FAM81A: variants seen among roughly 807,000 people sequenced by gnomAD.
FAM81A encodes the protein protein FAM81A.
FAM81A carries 19 observed loss-of-function variants against 46.7 expected under a neutral mutation model. The observed-to-expected ratio is 0.41, with a 90% CI of 0.28 to 0.60. The LOEUF (loss-of-function observed/expected upper bound fraction) is 0.60, where lower values mean the gene tolerates loss of function less well. Among genes scored for constraint, FAM81A ranks in the 20% least tolerant of loss-of-function variants. The probability of loss-of-function intolerance (pLI) is 0.34; values close to 1 mark genes in which losing one functional copy is unlikely to be tolerated. For synonymous variants in FAM81A, 183 were observed against 152.9 expected (o/e 1.20, Z -1.45); for missense variants, 377 against 453.5 (o/e 0.83, Z 1.53).
At chr15:59,421,850 A>T (rs1246057859) in intron 2 of FAM81A, among the ~76,000 whole-genome samples, 1 of 150,328 alleles carries the variant, frequency 6.7e-6, no homozygotes, top group Non-Finnish European at 1.5e-5. Flanking sequence ...ATCCTTGGGG[A>T]CAGATTAAAC....
chr15:59,470,893 G>A (rs1337519013), intron 3 of FAM81A, among the ~76,000 whole-genome samples: 1 of 152,042 alleles, frequency 6.6e-6, no homozygotes, highest in African/African-American at 2.4e-5. Flanking sequence ...CTCTATTACA[G>A]CTCACTGCAG....
At chr15:59,468,272 C>T (rs1472639236) in intron 3 of FAM81A, among the ~76,000 whole-genome samples, 1 of 152,126 alleles carries the variant, frequency 6.6e-6, no homozygotes. Flanking sequence ...GGAATAGTTT[C>T]AGAAGGAATG....
intron 8 of FAM81A, among the ~76,000 whole-genome samples, chr15:59,517,181 T>C (rs1456128561): frequency 6.6e-6 from 1 of 152,162 alleles, no homozygotes; most frequent in Non-Finnish European, 1.5e-5. Context: ...GAGGGGGTTT[T>C]GAGGGCTTAT....
chr15:59,423,697 T>C (rs2081184353), intron 2 of FAM81A, among the ~76,000 whole-genome samples: 1 of 152,166 alleles, frequency 6.6e-6, no homozygotes, highest in Admixed American at 6.5e-5. Flanking sequence ...GCTAACAAAA[T>C]ACAGAAATTT....
At chr15:59,483,561 A>G (rs959589641) in intron 3 of FAM81A, among the ~76,000 whole-genome samples, 1 of 152,132 alleles carries the variant, frequency 6.6e-6, no homozygotes, top group South Asian at 2.1e-4. Context: ...TTACATCTCT[A>G]CTTGGGCTTT....
rs761342077 is a variant in FAM81A at position 59,508,889 on chromosome 15, C to A, written c.570C>A (p.Asp190Glu). ...GQISQLLNRV[D>E]LSISEQSTKL... ...TTTCTCAGCTTTTGAACAGAGTGGA[C>A]TTGTCAATATCAGAGCAGAGCACCA... The change falls in exon 6 of 9, where the codon GAC becomes GAA. Residue 190 changes from aspartate to glutamate, a missense_variant. By Grantham distance (45) the Asp-to-Glu change is conservative. Transcript: ENST00000288228. 1 of 1,613,226 alleles carries A rather than the reference C, an allele frequency of 6.2e-7. No individual in the cohort carries two copies. Among genetic ancestry groups the A allele is most frequent in the Non-Finnish European group, 8.5e-7 (1 of 1,179,420 alleles).
chr15:59,454,290 T>G (rs2081455720), intron 1 of FAM81A, among the ~76,000 whole-genome samples: 1 of 152,244 alleles, frequency 6.6e-6, no homozygotes, highest in Non-Finnish European at 1.5e-5. Flanking sequence ...TTAACTGTTT[T>G]TACATGATTG....
chr15:59,458,694 G>C (rs749427234), intron 2 of FAM81A, 48 bp downstream of exon 2: 4 of 1,539,752 alleles, frequency 2.6e-6, no homozygotes. Context: ...TAGTGGGTGT[G>C]ATAGTTACAA....
intron 2 of FAM81A, among the ~76,000 whole-genome samples, chr15:59,431,265 C>T (rs532214934): frequency 6.6e-6 from 1 of 151,822 alleles, no homozygotes; most frequent in East Asian, 1.9e-4. Context: ...GATGGAGTCT[C>T]GCTTTGTCAC....
At chr15:59,477,607 C>T (rs1320082897) in intron 3 of FAM81A, among the ~76,000 whole-genome samples, 1 of 152,142 alleles carries the variant, frequency 6.6e-6, no homozygotes, top group Admixed American at 6.5e-5. Context: ...CCTATGTGAT[C>T]CTCAAGAGCT....
chr15:59,487,969 C>CA (rs2081939223), intron 3 of FAM81A, among the ~76,000 whole-genome samples: 4 of 151,452 alleles, frequency 2.6e-5, no homozygotes, highest in African/African-American at 9.7e-5. Flanking sequence ...AACAAAAAAA[C>CA]AAAAAACCTA....
chr15:59,428,147 A>G (rs1185288433), intron 2 of FAM81A, among the ~76,000 whole-genome samples: 4 of 152,182 alleles, frequency 2.6e-5, no homozygotes, highest in African/African-American at 9.7e-5. Context: ...TGTTTCTCTG[A>G]TGATCAGTGA....
At chr15:59,483,184 C>T (rs1283830482) in intron 3 of FAM81A, among the ~76,000 whole-genome samples, 2 of 151,988 alleles carry the variant, frequency 1.3e-5, no homozygotes, top group Non-Finnish European at 2.9e-5. Flanking sequence ...ACTACAGGTG[C>T]GTGCCATCAC....
chr15:59,517,447 G>A (rs960000089), intron 8 of FAM81A, among the ~76,000 whole-genome samples: 62 of 152,270 alleles, frequency 4.1e-4, no homozygotes, highest in African/African-American at 1.4e-3. Context: ...AAGTTAATGA[G>A]TCCTAAAAGA....
intron 5 of FAM81A, among the ~76,000 whole-genome samples, chr15:59,508,260 T>G (rs1344740450): frequency 2.0e-5 from 3 of 152,226 alleles, no homozygotes; most frequent in African/African-American, 7.2e-5. Context: ...TTTCTCTTTC[T>G]TCTGGATCTG....
intron 6 of FAM81A, among the ~76,000 whole-genome samples, chr15:59,512,076 T>G (rs2141830437): frequency 6.6e-6 from 1 of 152,348 alleles, no homozygotes; most frequent in East Asian, 1.9e-4. Context: ...GAAAATGAAT[T>G]CACTACAGCT....
intron 1 of FAM81A, among the ~76,000 whole-genome samples, chr15:59,452,953 G>A (rs1398041974): frequency 6.6e-6 from 1 of 152,128 alleles, no homozygotes; most frequent in African/African-American, 2.4e-5. Flanking sequence ...TGTAGAGATA[G>A]GATTTTGCTG....
chr15:59,458,792 A>G (rs2081514896), intron 2 of FAM81A, 146 bp downstream of exon 2: 10 of 752,738 alleles, frequency 1.3e-5, no homozygotes, highest in Non-Finnish European at 1.8e-5. Context: ...TTCAATTTAT[A>G]GGATACTGTG....
At chr15:59,492,497 C>A in intron 4 of FAM81A, 108 bp downstream of exon 4, 1 of 835,636 alleles carries the variant, frequency 1.2e-6, no homozygotes, top group Non-Finnish European at 1.9e-6. Context: ...GCTTGCATTC[C>A]TTTAGTACAT....
Sources: gnomAD v4.1 joint callset for allele counts (sites outside exome capture counted in the v4.1 genomes callset) on GRCh38, gnomAD v4.1.1 for gene constraint, MANE v1.5 for transcripts, NCBI Gene and HGNC (gene_info 2026-07-23, HGNC 2026-07-21) for gene names.